Variants in IPO5 observed in about 807,000 individuals in gnomAD.
IPO5 encodes importin 5.
IPO5 carries 18 observed loss-of-function variants against 143.3 expected under a neutral mutation model. The ratio of observed to expected loss-of-function variants is 0.13; its 90% CI spans 0.09 to 0.19. IPO5 has a LOEUF of 0.19. Among genes scored for constraint, IPO5 ranks in the 10% least tolerant of loss-of-function variants. IPO5 has a pLI of 1.00. For synonymous variants in IPO5, 477 were observed against 465.7 expected, an observed-to-expected ratio of 1.02 and a Z score of -0.31; for missense variants, 1,013 against 1,336.9, an observed-to-expected ratio of 0.76 and a Z score of 3.78.
chr13:97,988,620 T>C (rs1887569714), intron 6 of IPO5, among the ~76,000 whole-genome samples: 1 of 152,228 alleles, frequency 6.6e-6, no homozygotes, highest in Non-Finnish European at 1.5e-5. Flanking sequence ...AAACCTCGTC[T>C]CTACTAAAAA....
At position 97,978,572 on chromosome 13, in the gene IPO5, TA is replaced by T. The variant is rs1055144758; in HGVS notation, c.90+1797del. Among the ~76,000 whole-genome samples the T allele has an allele frequency of 4.8e-4, 71 of 149,128 alleles. No individual in the cohort carries two copies. The East Asian group carries it at 0.01, about 22-fold the overall frequency. ...TTGCCTTGGGGATATGATGATGCTT[TA>T]AAAAAAAAAATTAATGCTTTCTGGT... is the stretch of plus-strand genomic sequence containing the variant. On this transcript the variant is annotated intron_variant, in intron 4 of 28. Transcript: ENST00000651721.
intron 22 of IPO5, 120 bp from the exon 23 acceptor site, chr13:98,015,409 TA>T (rs1890059281): frequency 1.6e-6 from 1 of 640,776 alleles, no homozygotes. Context: ...TAAGCATATG[TA>T]AATAATCTTC....
At chr13:97,999,711 A>G (rs952519201) in intron 12 of IPO5, among the ~76,000 whole-genome samples, 2 of 152,214 alleles carry the variant, frequency 1.3e-5, no homozygotes, top group Non-Finnish European at 2.9e-5. Context: ...TGGCTTTCAG[A>G]GAAGACAATA....
chr13:98,015,569 C>T lies in IPO5; in HGVS notation c.2365C>T (p.His789Tyr), dbSNP rs1365043307. 1 of 1,611,326 alleles carries T rather than the reference C, an allele frequency of 6.2e-7. No individual in the cohort carries two copies. ...VMGDGCLNNE[H>Y]FEELGGILKA... ...GGGAGATGGATGCCTTAATAATGAA[C>T]ACTTTGAAGAACTGGGAGGTATATT... Residue 789 changes from histidine to tyrosine, a missense_variant, in exon 23 of 29, where the codon CAC becomes TAC. This residue lies in a region of IPO5 where 685 missense variants were observed against 994.9 expected (regional missense o/e 0.69). Coordinates refer to ENST00000651721, the MANE Select transcript of IPO5 (RefSeq NM_002271.6).
chr13:97,997,671 C>A, intron 12 of IPO5, 53 bp downstream of exon 12: 2 of 1,125,336 alleles, frequency 1.8e-6, no homozygotes, highest in South Asian at 2.7e-5. Context: ...GCTCCACGGT[C>A]CATCTCTTCA....
At chr13:97,967,444 T>C (rs748457602) in intron 2 of IPO5, among the ~76,000 whole-genome samples, 7 of 152,192 alleles carry the variant, frequency 4.6e-5, no homozygotes, top group African/African-American at 7.2e-5. Context: ...TCTTGCTTTC[T>C]TTCTTTCAGC....
chr13:97,960,541 C>CT (rs11399464), intron 2 of IPO5: 91,321 of 150,208 alleles, frequency 0.61, 29,554 homozygotes, highest in African/African-American at 0.85. Context: ...CCAAATTTTA[C>CT]TTTTTATTTT....
intron 11 of IPO5, among the ~76,000 whole-genome samples, chr13:97,995,657 G>A (rs1183821146): frequency 6.6e-6 from 1 of 152,026 alleles, no homozygotes; most frequent in Non-Finnish European, 1.5e-5. Flanking sequence ...TCGGGAGGCC[G>A]AGGCAGGAGA....
At chr13:97,967,700 C>T (rs1410820854) in intron 2 of IPO5, among the ~76,000 whole-genome samples, 1 of 151,996 alleles carries the variant, frequency 6.6e-6, no homozygotes, top group African/African-American at 2.4e-5. Context: ...GGCTCGATCT[C>T]AGCTCACTGC....
Position 98,015,170 on chromosome 13 carries a change from C to T in IPO5, c.2326-360C>T, listed in dbSNP as rs1157497330. Among the ~76,000 whole-genome samples, 3 of 151,778 alleles carry T rather than the reference C, an allele frequency of 2.0e-5. No homozygotes were observed. In the East Asian group the frequency reaches 5.8e-4, roughly 29 times the overall value. On this transcript the variant is annotated intron_variant, in intron 22 of 28. Transcript: ENST00000651721. Reference sequence around the variant, plus strand: ...TATTTTATTTCTTCTACCTCTAATGCCCTTCCTTCAGTGTTCTTGTATGTT... The same window carrying T: ...TATTTTATTTCTTCTACCTCTAATGTCCTTCCTTCAGTGTTCTTGTATGTT...
intron 4 of IPO5, among the ~76,000 whole-genome samples, chr13:97,979,167 G>A (rs1339519774): frequency 6.6e-6 from 1 of 152,110 alleles, no homozygotes; most frequent in Non-Finnish European, 1.5e-5. Flanking sequence ...GTCTGATACA[G>A]CAAATATAGA....
intron 3 of IPO5, 55 bp from the exon 4 acceptor site, chr13:97,976,638 C>G: frequency 1.2e-6 from 1 of 844,574 alleles, no homozygotes; most frequent in South Asian, 2.1e-5. Context: ...TCCCGCGGCC[C>G]GCGAGCGCGC....
At chr13:98,002,416 G>A (rs1888883209) in intron 13 of IPO5, 51 bp from the exon 14 acceptor site, 2 of 1,559,814 alleles carry the variant, frequency 1.3e-6, no homozygotes, top group Non-Finnish European at 8.7e-7. Context: ...CTACCAGAAT[G>A]ACATGTTTAT....
At position 97,959,746 on chromosome 13, in the gene IPO5, G is replaced by C. The variant is rs1312402337; in HGVS notation, c.-113+5548G>C. On this transcript the variant is annotated intron_variant, in intron 2 of 28. Coordinates refer to ENST00000651721, the MANE Select transcript of IPO5 (RefSeq NM_002271.6). ...GGGACTCTGTCTCAAAGAAAAGAAAGACTGTGTCCCTAGGGTATGACCCCA... is the reference window on the plus strand; with the variant it reads ...GGGACTCTGTCTCAAAGAAAAGAAACACTGTGTCCCTAGGGTATGACCCCA... 2.0e-5 allele frequency among the ~76,000 whole-genome samples: 3 copies of C among 151,922 alleles called. No individual in the cohort carries two copies. The East Asian group carries it at 5.8e-4, about 29-fold the overall frequency.
At chr13:97,985,327 A>G in intron 5 of IPO5, 94 bp from the exon 6 acceptor site, 1 of 976,692 alleles carries the variant, frequency 1.0e-6, no homozygotes. Flanking sequence ...TTACTTCTTT[A>G]GAAAATTAGG....
At chr13:97,955,752 G>C (rs1013351994) in intron 2 of IPO5, among the ~76,000 whole-genome samples, 5 of 152,112 alleles carry the variant, frequency 3.3e-5, no homozygotes, top group African/African-American at 1.2e-4. Flanking sequence ...GCTAGTTAAG[G>C]GGGAAGCTGC....
intron 13 of IPO5, chr13:98,000,916 T>C: frequency 2.4e-6 from 1 of 413,280 alleles, no homozygotes; most frequent in Middle Eastern, 6.9e-4. Context: ...TATACTCTTC[T>C]TTCACCCAAT....
chr13:97,976,768 G>T lies in IPO5; in HGVS notation c.72G>T (p.Val24=). ...GAAACCTGCTCAGCCCCGACAATGT[G>T]GTCCGGAAACAGGCAGAGGTAACCG... is the stretch of plus-strand genomic sequence containing the variant. ...LLGNLLSPDN[V]VRKQAEETYE... Residue 24 remains valine (V), a synonymous_variant, in exon 4 of 29, where the codon GTG becomes GTT. Transcript: ENST00000651721. 7.1e-7 allele frequency: 1 copy of T among 1,404,968 alleles called. No individual in the cohort carries two copies. Among genetic ancestry groups the T allele is most frequent in the Non-Finnish European group, 9.5e-7 (1 of 1,053,140 alleles). The allele number at this position is 1,404,968 out of a possible 1,614,324, so 87.0% of individuals were successfully genotyped here. A position where few individuals can be genotyped will look rare whatever the true frequency, so the allele number is the denominator to read the frequency against.
chr13:98,000,469 TG>T (rs1888669483), intron 12 of IPO5, 69 bp from the exon 13 acceptor site: 19 of 954,118 alleles, frequency 2.0e-5, no homozygotes, highest in Non-Finnish European at 3.3e-5. Flanking sequence ...GTTAGAAGTA[TG>T]TCTGTAGAGT....
Sources: gnomAD v4.1 joint callset for allele counts (sites outside exome capture counted in the v4.1 genomes callset) on GRCh38, gnomAD v4.1.1 for gene constraint, gnomAD v4.1.1 regional missense constraint, MANE v1.5 for transcripts, NCBI Gene and HGNC (gene_info 2026-07-23, HGNC 2026-07-21) for gene names.